MAS1L: variants seen among roughly 807,000 people sequenced by gnomAD.
MAS1L encodes the protein mas-related G protein-coupled receptor MRG.
For synonymous variants in MAS1L, 160 were observed against 182.9 expected (o/e 0.87, Z 1.01); for missense variants, 441 against 460.1 (o/e 0.96, Z 0.38).
In MAS1L at chr6:29,487,229, A is replaced by G; in HGVS notation, c.674T>C (p.Leu225Pro). The change falls in exon 1 of 1, where the codon CTA becomes CCA. Residue 225 changes from leucine to proline, a missense_variant. Physicochemically the swap from Leu to Pro is moderately conservative, Grantham distance 98. Coordinates refer to ENST00000377127, the MANE Select transcript of MAS1L (RefSeq NM_052967.2). ...WKHVKACVIF[L>P]KLSGLFHAIL... is the part of the protein sequence containing the mutation. ...AGCATGGAAGAGCCCAGAAAGCTTT[A>G]GAAATATGACACATGCCTTTACATG... The G allele has an allele frequency of 1.2e-6, 2 of 1,614,210 alleles. No homozygotes were observed. Among genetic ancestry groups the G allele is most frequent in the Non-Finnish European group, 1.7e-6 (2 of 1,180,032 alleles).
At position 29,486,963 on chromosome 6, in the gene MAS1L, A is replaced by T. The variant is rs201879476; in HGVS notation, c.940T>A (p.Tyr314Asn). Reference protein sequence around the residue: ...IINSSANPIIYFFVGSLRKKR... With the variant: ...IINSSANPIINFFVGSLRKKR... The stretch of plus-strand genomic sequence containing the variant: ...TTTCTGAGGCTCCCCACAAAGAAAT[A>T]AATGATAGGGTTGGCGCTGCTGTTT... Residue 314 changes from tyrosine (Y) to asparagine (N), a missense_variant, in exon 1 of 1, where the codon TAT becomes AAT. Physicochemically the swap from Tyr to Asn is moderately radical, Grantham distance 143 (BLOSUM62 -2). Transcript: ENST00000377127. 6 of 1,614,194 alleles carry T rather than the reference A, an allele frequency of 3.7e-6. No homozygotes were observed. Among genetic ancestry groups the T allele is most frequent in the Non-Finnish European group, 5.1e-6 (6 of 1,180,026 alleles).
In MAS1L at chr6:29,487,407, C is replaced by T. The variant is rs773929478; in HGVS notation, c.496G>A (p.Ala166Thr). The T allele has an allele frequency of 3.1e-6, 5 of 1,613,826 alleles. No individual in the cohort carries two copies. In the African/African-American group the frequency reaches 5.3e-5, roughly 17 times the overall value. ...CACACACACCGCTCTGTGCTGATGG[C>T]CACCAGGAGACAGAGACACACCTCA... Reference protein sequence around the residue: ...SFEVCLCLLVAISTERCVCVL... With the variant: ...SFEVCLCLLVTISTERCVCVL... Residue 166 changes from alanine (A) to threonine (T), a missense_variant, in exon 1 of 1, where the codon GCC (alanine) becomes ACC (threonine). Transcript: ENST00000377127.
rs142255156 is a variant in MAS1L at position 29,487,255 on chromosome 6, T to C, written c.648A>G (p.Lys216=). The C allele has an allele frequency of 2.2e-4, 363 of 1,613,992 alleles. 1 individual carries two copies. The highest frequency in any genetic ancestry group is 2.2e-4 in the Non-Finnish European group (257 of 1,180,042). The change falls in exon 1 of 1, where the codon AAA becomes AAG. Residue 216 remains lysine, a synonymous_variant. Coordinates refer to ENST00000377127, the MANE Select transcript of MAS1L (RefSeq NM_052967.2). ...GAAATATGACACATGCCTTTACATG[T>C]TTCCAGTAAGTTAGGAAAAGTGATT... The part of the protein sequence containing the change: ...IVKSLFLTYW[K]HVKACVIFLK...
At position 29,487,849 on chromosome 6, in the gene MAS1L, A is replaced by G; in HGVS notation, c.54T>C (p.Phe18=). 3 of 1,613,752 alleles carry G rather than the reference A, an allele frequency of 1.9e-6. No homozygotes were observed. Among genetic ancestry groups the G allele is most frequent in the Non-Finnish European group, 2.5e-6 (3 of 1,180,032 alleles). ...WFSQRAGWTV[F]AESQISLSCS... ...ATGAGAGAGATATCTGTGACTCAGC[A>G]AACACTGTCCATCCAGCCCTCTGGC... The change falls in exon 1 of 1, where the codon TTT becomes TTC. Residue 18 remains phenylalanine (F), a synonymous_variant. Transcript: ENST00000377127.
In MAS1L at chr6:29,486,774, C is replaced by T. The variant is rs757137924; in HGVS notation, c.1129G>A (p.Glu377Lys). 7 of 1,609,796 alleles carry T rather than the reference C, an allele frequency of 4.3e-6. No homozygotes were observed. The highest frequency in any genetic ancestry group is 5.1e-6 in the Non-Finnish European group (6 of 1,178,164). Residue 377 changes from glutamate (E) to lysine (K), a missense_variant, in exon 1 of 1, where the codon GAA becomes AAA. By Grantham distance (56) the Glu-to-Lys change is moderately conservative. Transcript: ENST00000377127. ...LLPREHRVDV[E>K]T Reference sequence around the variant, plus strand: ...AGCTCAGATGTGGGAAATTATGTTTCCACATCGACCCTGTGCTCCCTGGGA... The same window carrying T: ...AGCTCAGATGTGGGAAATTATGTTTTCACATCGACCCTGTGCTCCCTGGGA...
rs1789305369 is a variant in MAS1L, at chr6:29,486,920, G to A, written c.983C>T (p.Ser328Phe). 4 of 1,614,072 alleles carry A rather than the reference G, an allele frequency of 2.5e-6. No homozygotes were observed. The highest frequency in any genetic ancestry group is 2.7e-5 in the African/African-American group (2 of 74,914). ...GSLRKKRLKE[S>F]LRVILQRALA... ...CGCCCGTTGGAGAATCACTCTGAGA[G>A]ATTCCTTCAGCCTTTTCTTTCTGAG... Residue 328 changes from serine (S) to phenylalanine (F), a missense_variant, in exon 1 of 1, where the codon TCT (serine) becomes TTT (phenylalanine). Ser to Phe is a radical substitution (Grantham distance 155). Transcript: ENST00000377127.
Position 29,486,796 on chromosome 6 carries a change from G to A in MAS1L, c.1107C>T (p.Pro369=). ...HSTQHVENLL[P]REHRVDVET ...TTTCCACATCGACCCTGTGCTCCCT[G>A]GGAAGAAGGTTCTCCACATGCTGAG... Residue 369 remains proline (P), a synonymous_variant, in exon 1 of 1, where the codon CCC becomes CCT. Transcript: ENST00000377127. The A allele has an allele frequency of 6.2e-7, 1 of 1,613,728 alleles. No homozygotes were observed. Among genetic ancestry groups the A allele is most frequent in the Non-Finnish European group, 8.5e-7 (1 of 1,179,888 alleles).
Position 29,486,859 on chromosome 6 carries a change from C to T in MAS1L, c.1044G>A (p.Lys348=). 1 of 1,614,130 alleles carries T rather than the reference C, an allele frequency of 6.2e-7. No individual in the cohort carries two copies. The highest frequency in any genetic ancestry group is 8.5e-7 in the Non-Finnish European group (1 of 1,180,014). The change falls in exon 1 of 1, where the codon AAG becomes AAA. Residue 348 remains lysine, a synonymous_variant. Transcript: ENST00000377127. The part of the protein sequence containing the change: ...ADKPEVGRNK[K]AAGIDPMEQP... The stretch of plus-strand genomic sequence containing the variant: ...GCTCCATTGGGTCGATGCCAGCTGC[C>T]TTTTTGTTCCTCCCCACCTCTGGCT...
Position 29,487,886 on chromosome 6 carries a change from A to T in MAS1L, c.17T>A (p.Ile6Asn). ...TCCAGCCCTCTGGCTGAACCAGCAA[A>T]TTTTCCCCCAGACCATGGGGTGCTG... is the stretch of plus-strand genomic sequence containing the variant. MVWGK[I>N]CWFSQRAGWT... Residue 6 changes from isoleucine (I) to asparagine (N), a missense_variant, in exon 1 of 1, where the codon ATT becomes AAT. Ile to Asn is a moderately radical substitution (Grantham distance 149). Coordinates refer to ENST00000377127, the MANE Select transcript of MAS1L (RefSeq NM_052967.2). The T allele has an allele frequency of 6.2e-7, 1 of 1,609,332 alleles. No homozygotes were observed. The highest frequency in any genetic ancestry group is 1.1e-5 in the South Asian group (1 of 90,774).
In MAS1L at chr6:29,486,988, T is replaced by C; in HGVS notation, c.915A>G (p.Ile305Met). The change falls in exon 1 of 1, where the codon ATA becomes ATG. Residue 305 changes from isoleucine to methionine, a missense_variant. Physicochemically the swap from Ile to Met is conservative, Grantham distance 10. Transcript: ENST00000377127. Reference protein sequence around the residue: ...TSYLISLFLIINSSANPIIYF... With the variant: ...TSYLISLFLIMNSSANPIIYF... ...AAATGATAGGGTTGGCGCTGCTGTT[T>C]ATAATGAGGAACAAGGAAATTAAAT... 6.2e-7 allele frequency: 1 copy of C among 1,614,078 alleles called. No individual in the cohort carries two copies. Among genetic ancestry groups the C allele is most frequent in the Non-Finnish European group, 8.5e-7 (1 of 1,180,008 alleles).
rs780622175 is a variant in MAS1L at position 29,487,866 on chromosome 6, C to G, written c.37G>C (p.Ala13Pro). 2.5e-6 allele frequency: 4 copies of G among 1,612,590 alleles called. No homozygotes were observed. The highest frequency in any genetic ancestry group is 2.5e-6 in the Non-Finnish European group (3 of 1,179,682). Residue 13 changes from alanine (A) to proline (P), a missense_variant, in exon 1 of 1, where the codon GCT becomes CCT. Transcript: ENST00000377127. ...WGKICWFSQRAGWTVFAESQI... is the reference protein window; with the variant it reads ...WGKICWFSQRPGWTVFAESQI... ...GACTCAGCAAACACTGTCCATCCAG[C>G]CCTCTGGCTGAACCAGCAAATTTTC... is the stretch of plus-strand genomic sequence containing the variant.
rs1233373444 is a variant in MAS1L, at chr6:29,487,261, G to A, written c.642C>T (p.Tyr214=). ...INIVKSLFLT[Y]WKHVKACVIF... is the part of the protein sequence containing the mutation. ...TGACACATGCCTTTACATGTTTCCAGTAAGTTAGGAAAAGTGATTTTACTA... is the reference window on the plus strand; with the variant it reads ...TGACACATGCCTTTACATGTTTCCAATAAGTTAGGAAAAGTGATTTTACTA... The change falls in exon 1 of 1, where the codon TAC becomes TAT. Residue 214 remains tyrosine (Y), a synonymous_variant. Coordinates refer to ENST00000377127, the MANE Select transcript of MAS1L (RefSeq NM_052967.2). 1 of 1,614,166 alleles carries A rather than the reference G, an allele frequency of 6.2e-7. No individual in the cohort carries two copies. The highest frequency in any genetic ancestry group is 8.5e-7 in the Non-Finnish European group (1 of 1,180,044).
rs769431012 is a variant in MAS1L at position 29,487,882 on chromosome 6, G to C, written c.21C>G (p.Cys7Trp). ...TCCATCCAGCCCTCTGGCTGAACCA[G>C]CAAATTTTCCCCCAGACCATGGGGT... MVWGKICWFSQRAGWTV... is the reference protein window; with the variant it reads MVWGKIWWFSQRAGWTV... Residue 7 changes from cysteine to tryptophan, a missense_variant, in exon 1 of 1, where the codon TGC becomes TGG. Transcript: ENST00000377127. 5.6e-6 allele frequency: 9 copies of C among 1,610,018 alleles called. No individual in the cohort carries two copies. In the South Asian group the frequency reaches 9.9e-5, roughly 18 times the overall value.
In MAS1L at chr6:29,487,177, C is replaced by A; in HGVS notation, c.726G>T (p.Ser242=). ...HAILSLVMCV[S]SLTLLIRFLC... ...GGAATCTAATGAGTAGAGTCAGACT[C>A]GACACACACATCACAAGTGAAAGGA... The change falls in exon 1 of 1, where the codon TCG becomes TCT. Residue 242 remains serine (S), a synonymous_variant. Coordinates refer to ENST00000377127, the MANE Select transcript of MAS1L (RefSeq NM_052967.2). 6.2e-7 allele frequency: 1 copy of A among 1,614,014 alleles called. No homozygotes were observed. Among genetic ancestry groups the A allele is most frequent in the Non-Finnish European group, 8.5e-7 (1 of 1,180,010 alleles).
chr6:29,487,515 AC>A, the MAS1L span: 1 of 1,614,032 alleles, frequency 6.2e-7, no homozygotes, highest in African/African-American at 1.3e-5. Flanking sequence ...ACCTGTAAGA[AC>A]CCCACTGCCG....
In MAS1L at chr6:29,486,950, C is replaced by A; in HGVS notation, c.953G>T (p.Gly318Val). Residue 318 changes from glycine (G) to valine (V), a missense_variant, in exon 1 of 1, where the codon GGG (glycine) becomes GTG (valine). Gly to Val is a moderately radical substitution (Grantham distance 109). Coordinates refer to ENST00000377127, the MANE Select transcript of MAS1L (RefSeq NM_052967.2). ...SANPIIYFFV[G>V]SLRKKRLKES... is the part of the protein sequence containing the mutation. ...CTTCAGCCTTTTCTTTCTGAGGCTC[C>A]CCACAAAGAAATAAATGATAGGGTT... The A allele has an allele frequency of 6.2e-7, 1 of 1,613,982 alleles. No homozygotes were observed. Among genetic ancestry groups the A allele is most frequent in the African/African-American group, 1.3e-5 (1 of 74,952 alleles).
chr6:29,486,813 C>A lies in MAS1L; in HGVS notation c.1090G>T (p.Val364Leu). Residue 364 changes from valine to leucine, a missense_variant, in exon 1 of 1, where the codon GTG (valine) becomes TTG (leucine). Physicochemically the swap from Val to Leu is conservative, Grantham distance 32 (BLOSUM62 1). Transcript: ENST00000377127. ...PMEQPHSTQH[V>L]ENLLPREHRV... ...TGCTCCCTGGGAAGAAGGTTCTCCA[C>A]ATGCTGAGTAGAGTGTGGTTGCTCC... 2 of 1,614,024 alleles carry A rather than the reference C, an allele frequency of 1.2e-6. No homozygotes were observed. Among genetic ancestry groups the A allele is most frequent in the Non-Finnish European group, 1.7e-6 (2 of 1,179,994 alleles).
rs1789425311 is a variant in MAS1L, at chr6:29,487,855, T to C, written c.48A>G (p.Thr16=). ...ICWFSQRAGW[T]VFAESQISLS... The stretch of plus-strand genomic sequence containing the variant: ...GAGATATCTGTGACTCAGCAAACAC[T>C]GTCCATCCAGCCCTCTGGCTGAACC... The change falls in exon 1 of 1, where the codon ACA becomes ACG. Residue 16 remains threonine (T), a synonymous_variant. Coordinates refer to ENST00000377127, the MANE Select transcript of MAS1L (RefSeq NM_052967.2). 6.2e-7 allele frequency: 1 copy of C among 1,613,496 alleles called. No individual in the cohort carries two copies. The highest frequency in any genetic ancestry group is 1.3e-5 in the African/African-American group (1 of 75,040).
Position 29,486,806 on chromosome 6 carries a change from T to C in MAS1L, c.1097A>G (p.Asn366Ser). ...GACCCTGTGCTCCCTGGGAAGAAGG[T>C]TCTCCACATGCTGAGTAGAGTGTGG... is the stretch of plus-strand genomic sequence containing the variant. The part of the protein sequence containing the change: ...EQPHSTQHVE[N>S]LLPREHRVDV... Residue 366 changes from asparagine to serine, a missense_variant, in exon 1 of 1, where the codon AAC (asparagine) becomes AGC (serine). Physicochemically the swap from Asn to Ser is conservative, Grantham distance 46 (BLOSUM62 1). Transcript: ENST00000377127. 1 of 1,613,906 alleles carries C rather than the reference T, an allele frequency of 6.2e-7. No individual in the cohort carries two copies. The highest frequency in any genetic ancestry group is 1.3e-5 in the African/African-American group (1 of 75,034).
Sources: gnomAD v4.1 joint callset for allele counts on GRCh38, gnomAD v4.1.1 for gene constraint, MANE v1.5 for transcripts, NCBI Gene and HGNC (gene_info 2026-07-23, HGNC 2026-07-21) for gene names.